Variants in FAM13A observed in about 807,000 individuals in gnomAD.
FAM13A encodes the protein protein FAM13A.
FAM13A carries 76 observed loss-of-function variants against 129.6 expected under a neutral mutation model. That is an observed-to-expected ratio of 0.59 (90% CI 0.49 to 0.71). The LOEUF (loss-of-function observed/expected upper bound fraction) is 0.71. FAM13A is among the 30% of genes least tolerant of loss of function. FAM13A has a pLI of 0.00. For synonymous variants in FAM13A, 443 were observed against 449.9 expected (o/e 0.98, Z 0.20); for missense variants, 1,108 against 1,249.3 (o/e 0.89, Z 1.70).
chr4:88,923,160 A>C (rs1329254694), intron 5 of FAM13A, among the ~76,000 whole-genome samples: 3 of 152,124 alleles, frequency 2.0e-5, no homozygotes, highest in Non-Finnish European at 2.9e-5. Flanking sequence ...AAACTATTCC[A>C]ATCAATAGAA....
At chr4:89,028,978 C>T (rs779665219) in intron 2 of FAM13A, among the ~76,000 whole-genome samples, 42 of 151,930 alleles carry the variant, frequency 2.8e-4, no homozygotes, top group Non-Finnish European at 5.7e-4. Flanking sequence ...ATAAGTGAAA[C>T]CACCCCCCAC....
chr4:88,960,129 C>A (rs1758375176), intron 4 of FAM13A, among the ~76,000 whole-genome samples: 1 of 152,214 alleles, frequency 6.6e-6, no homozygotes, highest in Admixed American at 6.5e-5. Flanking sequence ...CAAAGTAGCA[C>A]TGAAGGGCAA....
At chr4:88,773,070 G>T (rs1039414799) in intron 11 of FAM13A, among the ~76,000 whole-genome samples, 1 of 152,134 alleles carries the variant, frequency 6.6e-6, no homozygotes, top group Non-Finnish European at 1.5e-5. Context: ...TGATGAGATG[G>T]TCTTTACATC....
chr4:88,755,884 A>G (rs1193821064), intron 14 of FAM13A, among the ~76,000 whole-genome samples: 2 of 152,238 alleles, frequency 1.3e-5, no homozygotes, highest in Non-Finnish European at 2.9e-5. Flanking sequence ...CCTGGGCTGA[A>G]GTGATCCTCC....
At chr4:88,814,896 G>A (rs1730410660) in intron 7 of FAM13A, among the ~76,000 whole-genome samples, 1 of 151,960 alleles carries the variant, frequency 6.6e-6, no homozygotes, top group Non-Finnish European at 1.5e-5. Context: ...CTAGGCTGGA[G>A]TACAGTGGCA....
chr4:88,883,355 A>G (rs899191471), intron 6 of FAM13A, among the ~76,000 whole-genome samples: 1 of 152,130 alleles, frequency 6.6e-6, no homozygotes, highest in Non-Finnish European at 1.5e-5. Flanking sequence ...TCAACTCCAA[A>G]AGAACCTTCA....
At chr4:88,996,797 G>A (rs1763610578) in intron 3 of FAM13A, among the ~76,000 whole-genome samples, 1 of 152,130 alleles carries the variant, frequency 6.6e-6, no homozygotes, top group African/African-American at 2.4e-5. Flanking sequence ...CTCTTTTAGA[G>A]TTGGTGGTTG....
chr4:88,730,500 C>A (rs537997353), intron 23 of FAM13A, among the ~76,000 whole-genome samples: 1 of 152,134 alleles, frequency 6.6e-6, no homozygotes, highest in East Asian at 1.9e-4. Flanking sequence ...TCAAGTGATT[C>A]TCTTGCCTCA....
At chr4:88,749,711 A>C (rs1280364379) in intron 16 of FAM13A, 60 bp downstream of exon 16, 13 of 1,569,354 alleles carry the variant, frequency 8.3e-6, no homozygotes, top group Non-Finnish European at 1.1e-5. Flanking sequence ...TGAGTTGCTG[A>C]AATGCTGCCA....
At chr4:88,767,524 A>T in intron 13 of FAM13A, 29 bp downstream of exon 13, 1 of 1,562,184 alleles carries the variant, frequency 6.4e-7, no homozygotes, top group Non-Finnish European at 8.7e-7. Flanking sequence ...GCCCCGTCAC[A>T]GTCTTACTCT....
At chr4:89,025,261 T>G (rs1335264870) in intron 2 of FAM13A, among the ~76,000 whole-genome samples, 3 of 123,508 alleles carry the variant, frequency 2.4e-5, no homozygotes, top group South Asian at 2.9e-4. Flanking sequence ...TTTTTTTTTT[T>G]TTTTTTTTTT....
chr4:88,827,418 G>A (rs1733191393), intron 7 of FAM13A, among the ~76,000 whole-genome samples: 1 of 152,200 alleles, frequency 6.6e-6, no homozygotes, highest in South Asian at 2.1e-4. Context: ...ACTTGGGCAG[G>A]TTGTTTAAAA....
intron 9 of FAM13A, among the ~76,000 whole-genome samples, chr4:88,788,634 G>A (rs1373293578): frequency 6.6e-6 from 1 of 152,092 alleles, no homozygotes; most frequent in African/African-American, 2.4e-5. Flanking sequence ...AAAAGTGCAT[G>A]GTAAGCTAGA....
intron 4 of FAM13A, among the ~76,000 whole-genome samples, chr4:88,945,990 G>GTGTGTGTGTGTGTATGTATATATATA: frequency 3.2e-5 from 2 of 61,966 alleles, no homozygotes; most frequent in Non-Finnish European, 5.8e-5. Context: ...GTGTGTGTGT[G>GTGTGTGTGTGTGTATGTATATATATA]TATATATATA....
chr4:88,907,190 C>A (rs1433094106), intron 5 of FAM13A, among the ~76,000 whole-genome samples: 1 of 148,290 alleles, frequency 6.7e-6, no homozygotes, highest in Non-Finnish European at 1.5e-5. Context: ...CTTGGATAAG[C>A]TTTCCATAGA....
At chr4:88,985,272 G>T (rs1323037501) in intron 4 of FAM13A, among the ~76,000 whole-genome samples, 2 of 152,206 alleles carry the variant, frequency 1.3e-5, no homozygotes, top group African/African-American at 4.8e-5. Flanking sequence ...ATGAGTGGTT[G>T]CCTAGAGCCA....
At chr4:89,006,760 A>C (rs1765091481) in intron 3 of FAM13A, among the ~76,000 whole-genome samples, 1 of 152,136 alleles carries the variant, frequency 6.6e-6, no homozygotes, top group Admixed American at 6.6e-5. Flanking sequence ...TTTTTTATTA[A>C]GCAGTGGAAG....
At chr4:88,838,353 A>G (rs1319786548) in intron 7 of FAM13A, among the ~76,000 whole-genome samples, 2 of 151,632 alleles carry the variant, frequency 1.3e-5, no homozygotes, top group African/African-American at 2.4e-5. Flanking sequence ...TAAAAGTGCC[A>G]TGAACAAAAA....
intron 7 of FAM13A, among the ~76,000 whole-genome samples, chr4:88,837,737 A>C (rs1205592686): frequency 4.0e-5 from 6 of 151,210 alleles, no homozygotes; most frequent in Admixed American, 4.0e-4. Flanking sequence ...AAAAAAAAAA[A>C]AAGCAAAACA....
Sources: allele counts gnomAD v4.1 joint callset (sites outside exome capture counted in the v4.1 genomes callset), GRCh38; gene constraint gnomAD v4.1.1; transcripts MANE v1.5; gene names NCBI Gene and HGNC (gene_info 2026-07-23, HGNC 2026-07-21).